The following TARS1 variants were observed in gnomAD, a reference collection of about 807,000 sequenced individuals.
TARS1 encodes the protein threonyl-tRNA synthetase 1, also known as threonine--tRNA ligase 1, cytoplasmic.
Under a neutral mutation model 97.7 loss-of-function variants are expected in TARS1, and 57 were observed. The observed-to-expected ratio is 0.58, with a 90% confidence interval of 0.47 to 0.73. TARS1 has a LOEUF of 0.73. Among genes scored for constraint, TARS1 ranks in the 30% least tolerant of loss-of-function variants. The pLI, the probability that TARS1 is intolerant of heterozygous loss-of-function variation, is 0.00. For synonymous variants in TARS1, 312 were observed against 293.7 expected, an observed-to-expected ratio of 1.06 and a Z score of -0.64; for missense variants, 806 against 888.3, an observed-to-expected ratio of 0.91 and a Z score of 1.18.
chr5:33,445,371 C>A lies in TARS1; in HGVS notation c.105C>A (p.Asn35Lys). 6.2e-7 allele frequency: 1 copy of A among 1,613,274 alleles called. No homozygotes were observed. The highest frequency in any genetic ancestry group is 1.1e-5 in the South Asian group (1 of 90,978). Reference protein sequence around the residue: ...EKQKEGGKKKNKEGSGDGGRA... With the variant: ...EKQKEGGKKKKKEGSGDGGRA... Reference sequence around the variant, plus strand: ...AAAAGGAAGGAGGCAAAAAGAAGAACAAAGAAGGATCTGGAGATGGAGGTC... The same window carrying A: ...AAAAGGAAGGAGGCAAAAAGAAGAAAAAAGAAGGATCTGGAGATGGAGGTC... Residue 35 changes from asparagine to lysine, a missense_variant, in exon 2 of 19, where the codon AAC (asparagine) becomes AAA (lysine). By Grantham distance (94) the Asn-to-Lys change is moderately conservative (BLOSUM62 0). Coordinates refer to ENST00000265112, the MANE Select transcript of TARS1 (RefSeq NM_152295.5).
At chr5:33,462,345 A>G (rs1742336087) in intron 16 of TARS1, 142 bp downstream of exon 16, 1 of 733,456 alleles carries the variant, frequency 1.4e-6, no homozygotes, top group South Asian at 2.0e-5. Flanking sequence ...TCATTAAAAA[A>G]TAAGGAATCA....
Position 33,461,312 on chromosome 5 carries a change from A to T in TARS1, c.1551+17A>T. On this transcript the variant is annotated intron_variant, in intron 13 of 18. Transcript: ENST00000265112. ...GCTGAGAAAGTAAGTGGTGTTTTTC[A>T]GCGTGCTTTTGAATACTGTTTGAAA... The T allele has an allele frequency of 6.2e-7, 1 of 1,606,766 alleles. No individual in the cohort carries two copies. Among genetic ancestry groups the T allele is most frequent in the South Asian group, 1.1e-5 (1 of 89,598 alleles).
intron 17 of TARS1, among the ~76,000 whole-genome samples, chr5:33,464,281 T>A (rs1202676428): frequency 6.6e-6 from 1 of 152,202 alleles, no homozygotes; most frequent in African/African-American, 2.4e-5. Context: ...GGTACTTCAG[T>A]ATGGTAGGTA....
At chr5:33,462,029 G>A in intron 15 of TARS1, 23 bp downstream of exon 15, 1 of 1,610,136 alleles carries the variant, frequency 6.2e-7, no homozygotes, top group Non-Finnish European at 8.5e-7. Context: ...TGTCTGCTCT[G>A]AATATTCTCC....
chr5:33,460,834 A>G (rs1371314690), intron 11 of TARS1, 68 bp from the exon 12 acceptor site: 2 of 1,569,076 alleles, frequency 1.3e-6, no homozygotes, highest in Non-Finnish European at 1.7e-6. Flanking sequence ...CCTTTCGTGT[A>G]ATTAAATATA....
intron 1 of TARS1, among the ~76,000 whole-genome samples, chr5:33,444,472 G>A (rs1741310337): frequency 6.6e-6 from 1 of 152,178 alleles, no homozygotes; most frequent in African/African-American, 2.4e-5. Flanking sequence ...TAAAATCCCT[G>A]TTTACATTCC....
At chr5:33,466,800 G>A (rs1475957497) in intron 17 of TARS1, 71 bp from the exon 18 acceptor site, 2 of 1,122,618 alleles carry the variant, frequency 1.8e-6, no homozygotes, top group East Asian at 5.5e-5. Flanking sequence ...CCTGTGTTCA[G>A]TAAAATCATG....
intron 1 of TARS1, 66 bp from the exon 2 acceptor site, chr5:33,445,258 C>A: frequency 2.4e-6 from 3 of 1,226,138 alleles, no homozygotes; most frequent in Non-Finnish European, 3.5e-6. Flanking sequence ...CTCAACACTT[C>A]CTGGGGCATC....
At chr5:33,457,434 T>C in intron 9 of TARS1, 31 bp downstream of exon 9, 1 of 1,587,774 alleles carries the variant, frequency 6.3e-7, no homozygotes, top group Non-Finnish European at 8.6e-7. Flanking sequence ...GTGTCTTGAC[T>C]GAGTTTTCTT....
intron 5 of TARS1, among the ~76,000 whole-genome samples, chr5:33,455,333 GATA>G (rs1345236048): frequency 6.6e-6 from 1 of 152,176 alleles, no homozygotes; most frequent in Non-Finnish European, 1.5e-5. Flanking sequence ...AAAACCTGGT[GATA>G]GAGTTGCGGG....
intron 1 of TARS1, among the ~76,000 whole-genome samples, chr5:33,444,772 G>C (rs1358978787): frequency 6.6e-6 from 1 of 152,150 alleles, no homozygotes; most frequent in Non-Finnish European, 1.5e-5. Context: ...GCTAGTCCTA[G>C]CTTATTTGAC....
chr5:33,440,754 C>T (rs1311732909), upstream of TARS1: 3 of 460,798 alleles, frequency 6.5e-6, no homozygotes, highest in Non-Finnish European at 3.8e-6. Flanking sequence ...GGGGACTTGA[C>T]TCTGGAAAGC....
At chr5:33,459,461 G>GTATAA (rs1554013157) in intron 10 of TARS1, among the ~76,000 whole-genome samples, 1 of 152,136 alleles carries the variant, frequency 6.6e-6, no homozygotes, top group African/African-American at 2.4e-5. Flanking sequence ...GGACACTGAT[G>GTATAA]TATAATTGTC....
At chr5:33,456,366 C>CT in intron 8 of TARS1, 139 bp downstream of exon 8, 2 of 700,318 alleles carry the variant, frequency 2.9e-6, no homozygotes. Flanking sequence ...TAACTGGGAG[C>CT]TGTATGCCAT....
At chr5:33,456,469 A>C (rs187383288) in intron 8 of TARS1, among the ~76,000 whole-genome samples, 1 of 152,222 alleles carries the variant, frequency 6.6e-6, no homozygotes, top group East Asian at 1.9e-4. Context: ...AAAATCATAC[A>C]GCATGGGCCA....
At chr5:33,441,840 G>A (rs1741117716) in intron 1 of TARS1, 1 of 152,260 alleles carries the variant, frequency 6.6e-6, no homozygotes, top group Admixed American at 6.5e-5. Flanking sequence ...AGGTAAACAG[G>A]CAGGACGGGG....
chr5:33,457,456 G>A, intron 9 of TARS1, 53 bp downstream of exon 9: 1 of 1,576,938 alleles, frequency 6.3e-7, no homozygotes. Context: ...AACTTCATTT[G>A]AAGTTTGAAA....
At chr5:33,444,340 G>GGTA (rs1238358536) in intron 1 of TARS1, among the ~76,000 whole-genome samples, 2 of 152,200 alleles carry the variant, frequency 1.3e-5, no homozygotes, top group Admixed American at 1.3e-4. Flanking sequence ...GGTAGTGATA[G>GGTA]TTGCAAAACA....
At chr5:33,459,091 CATG>C (rs1742171332) in intron 10 of TARS1, among the ~76,000 whole-genome samples, 1 of 151,696 alleles carries the variant, frequency 6.6e-6, no homozygotes, top group African/African-American at 2.4e-5. Context: ...TTTTTTCATT[CATG>C]ATATTAAAAA....
Sources: gnomAD v4.1 joint callset for allele counts (sites outside exome capture counted in the v4.1 genomes callset) on GRCh38, gnomAD v4.1.1 for gene constraint, MANE v1.5 for transcripts, NCBI Gene and HGNC (gene_info 2026-07-23, HGNC 2026-07-21) for gene names.